Variants in KDM2B observed in about 807,000 individuals in gnomAD.
KDM2B encodes lysine-specific demethylase 2B.
Under a neutral mutation model 150.0 loss-of-function variants are expected in KDM2B, and 26 were observed. The ratio of observed to expected loss-of-function variants is 0.17; its 90% CI spans 0.13 to 0.24. The LOEUF (loss-of-function observed/expected upper bound fraction) is 0.24, where lower values mean the gene tolerates loss of function less well. KDM2B is among the 10% of genes least tolerant of loss of function. The pLI is 1.00. For synonymous variants in KDM2B, 734 were observed against 729.5 expected, an observed-to-expected ratio of 1.01 and a Z score of -0.10; for missense variants, 1,265 against 1,816.9, an observed-to-expected ratio of 0.70 and a Z score of 5.52.
intron 12 of KDM2B, among the ~76,000 whole-genome samples, chr12:121,461,826 G>A (rs1258875473): frequency 6.6e-6 from 1 of 152,178 alleles, no homozygotes; most frequent in African/African-American, 2.4e-5. Context: ...GGGAATGGAA[G>A]AGTGAAAAGA....
intron 17 of KDM2B, 21 bp from the exon 18 acceptor site, chr12:121,443,051 C>A: frequency 6.2e-7 from 1 of 1,607,102 alleles, no homozygotes; most frequent in Non-Finnish European, 8.5e-7. Flanking sequence ...AAAGAAAGGA[C>A]GCAGAGCTTG....
chr12:121,470,177 A>G (rs1263862269), intron 12 of KDM2B: 4 of 152,018 alleles, frequency 2.6e-5, no homozygotes, highest in African/African-American at 9.7e-5. Context: ...ACCAATCAGG[A>G]GCAAAAGAAT....
chr12:121,524,936 A>ACC (rs1271093922), intron 8 of KDM2B: 1 of 249,716 alleles, frequency 4.0e-6, no homozygotes, highest in Non-Finnish European at 8.4e-6. Context: ...GGTGGGGCTC[A>ACC]CCCACAACCT....
At position 121,452,935 on chromosome 12, in the gene KDM2B, G is replaced by A. The variant is rs1319414705; in HGVS notation, c.1959+185C>T. ...AGTACCTGAGCACCCTGGGAGGGAA[G>A]GAGCAGGAGGCCTGAGCCTGCGAAG... is the stretch of plus-strand genomic sequence containing the variant. On this transcript the variant is annotated intron_variant, in intron 13 of 22. Coordinates refer to ENST00000377071, the MANE Select transcript of KDM2B (RefSeq NM_032590.5). This position sits in a 1 kb window ranked among gnomAD's most constrained non-coding sequence, Gnocchi z 4.4. 3.9e-5 allele frequency among the ~76,000 whole-genome samples: 6 copies of A among 152,224 alleles called. No individual in the cohort carries two copies. The highest frequency in any genetic ancestry group is 7.4e-5 in the Non-Finnish European group (5 of 68,024).
the KDM2B span, chr12:121,415,233 G>A: frequency 3.8e-6 from 1 of 260,432 alleles, no homozygotes; most frequent in Non-Finnish European, 8.7e-6. Flanking sequence ...GTGTTTTGAT[G>A]TTTTCCAAGT....
At chr12:121,540,634 T>C (rs1371711359) in intron 6 of KDM2B, among the ~76,000 whole-genome samples, 4 of 151,420 alleles carry the variant, frequency 2.6e-5, no homozygotes, top group African/African-American at 9.7e-5. Context: ...ATGCCTGTAG[T>C]TCCAGCTAAA....
chr12:121,457,172 A>T (rs148099799), intron 12 of KDM2B, among the ~76,000 whole-genome samples: 1 of 152,230 alleles, frequency 6.6e-6, no homozygotes, highest in African/African-American at 2.4e-5. Context: ...TGAGTCTGCC[A>T]GAGCTCTCTC....
chr12:121,549,434 G>GT lies in KDM2B; in HGVS notation c.576+25_576+26insA, dbSNP rs782196222. 1 of 1,558,730 alleles carries GT rather than the reference G, an allele frequency of 6.4e-7. No individual in the cohort carries two copies. The highest frequency in any genetic ancestry group is 8.7e-7 in the Non-Finnish European group (1 of 1,144,274). On this transcript the variant is annotated intron_variant, in intron 5 of 22. Transcript: ENST00000377071. This position sits in a 1 kb window ranked among gnomAD's most constrained non-coding sequence, Gnocchi z 4.4. The stretch of plus-strand genomic sequence containing the variant: ...AGGAGATGAGGTGGAAGGTATCTGG[G>GT]GAGGGTACCTGGGCCCCGGACCTAC...
At position 121,521,447 on chromosome 12, in the gene KDM2B, T is replaced by A. The variant is rs1886682799; in HGVS notation, c.932-347A>T. Reference sequence around the variant, plus strand: ...GAGGCAGGCCCTTTCTCCACCTCCATGCAGGCCACGGAGCCTCACCTCCCC... The same window carrying A: ...GAGGCAGGCCCTTTCTCCACCTCCAAGCAGGCCACGGAGCCTCACCTCCCC... On this transcript the variant is annotated intron_variant, in intron 8 of 22. Coordinates refer to ENST00000377071, the MANE Select transcript of KDM2B (RefSeq NM_032590.5). The surrounding 1 kb of genome is among the most constrained non-coding windows in gnomAD (Gnocchi z 4.9). 6.6e-6 allele frequency among the ~76,000 whole-genome samples: 1 copy of A among 152,260 alleles called. No individual in the cohort carries two copies.
chr12:121,509,711 C>G lies in KDM2B; in HGVS notation c.1503G>C (p.Glu501Asp). 1 of 1,614,124 alleles carries G rather than the reference C, an allele frequency of 6.2e-7. No homozygotes were observed. Among genetic ancestry groups the G allele is most frequent in the Non-Finnish European group, 8.5e-7 (1 of 1,180,038 alleles). Residue 501 changes from glutamate to aspartate, a missense_variant, in exon 11 of 23, where the codon GAG becomes GAC. Glu to Asp is a conservative substitution (Grantham distance 45). Around this residue, in one of 11 missense-constraint regions of KDM2B, gnomAD observed 154 missense variants for 162.5 expected, o/e 0.95. Transcript: ENST00000377071. ...TGAGATGGGTCCATTTGGCAGAGAC[C>G]TCCGTGGCGGGAGAGCCGGTGGGGG... Reference protein sequence around the residue: ...PKTPTGSPATEVSAKWTHLTE... With the variant: ...PKTPTGSPATDVSAKWTHLTE...
In KDM2B at chr12:121,442,485, G is replaced by GCTT; in HGVS notation, c.2953_2955dup (p.Lys985dup). 6.3e-7 allele frequency: 1 copy of GCTT among 1,599,594 alleles called. No individual in the cohort carries two copies. Among genetic ancestry groups the GCTT allele is most frequent in the East Asian group, 2.2e-5 (1 of 44,868 alleles). Reference sequence around the variant, plus strand: ...GGACGCTCGCAGATGCCCGGGGGCCGCTTGGGCTCCTCGCCCTCGCTCTCA... The same window carrying GCTT: ...GGACGCTCGCAGATGCCCGGGGGCCGCTTCTTGGGCTCCTCGCCCTCGCTCTCA... On this transcript the variant is annotated inframe_insertion, in exon 19 of 23. Transcript: ENST00000377071. This position sits in a 1 kb window ranked among gnomAD's most constrained non-coding sequence, Gnocchi z 7.7.
chr12:121,529,556 G>A (rs953653269), intron 8 of KDM2B, among the ~76,000 whole-genome samples: 19 of 152,074 alleles, frequency 1.2e-4, no homozygotes, highest in African/African-American at 4.3e-4. Flanking sequence ...CAAGTACCAC[G>A]AATCTCAGAT....
At chr12:121,572,222 A>T (rs1053095292) in intron 4 of KDM2B, among the ~76,000 whole-genome samples, 1 of 152,142 alleles carries the variant, frequency 6.6e-6, no homozygotes, top group Non-Finnish European at 1.5e-5. Flanking sequence ...AAATTAAATA[A>T]AAATGTTTCA....
intron 12 of KDM2B, among the ~76,000 whole-genome samples, chr12:121,461,266 A>G (rs1879080705): frequency 6.6e-6 from 1 of 152,200 alleles, no homozygotes; most frequent in Admixed American, 6.5e-5. Flanking sequence ...GGAACTGCAA[A>G]TAGCTCGACA....
chr12:121,455,793 C>T (rs1359868488), intron 12 of KDM2B, among the ~76,000 whole-genome samples: 1 of 152,222 alleles, frequency 6.6e-6, no homozygotes, highest in Non-Finnish European at 1.5e-5. Flanking sequence ...TAGCACCTTT[C>T]GGGGGCCAAG....
chr12:121,507,319 A>G (rs1254983435), intron 11 of KDM2B, among the ~76,000 whole-genome samples: 6 of 152,170 alleles, frequency 3.9e-5, no homozygotes, highest in Admixed American at 3.3e-4. Flanking sequence ...AACCAAGATC[A>G]TGTCACTGCA....
intron 4 of KDM2B, among the ~76,000 whole-genome samples, chr12:121,552,515 A>C (rs1889580028): frequency 6.6e-6 from 1 of 152,058 alleles, no homozygotes; most frequent in South Asian, 2.1e-4. Context: ...TCTACTAAAA[A>C]TACAAAAATT....
chr12:121,469,111 G>C (rs1880450806), intron 12 of KDM2B: 1 of 151,580 alleles, frequency 6.6e-6, no homozygotes, highest in Admixed American at 6.6e-5. Context: ...GGCCAGGCTG[G>C]TCTGGAGCTC....
At chr12:121,536,173 T>C in intron 6 of KDM2B, 3 of 860,434 alleles carry the variant, frequency 3.5e-6, no homozygotes, top group Non-Finnish European at 4.2e-6. Context: ...GGGCTCCTGG[T>C]GCCCCCTCCC....
Sources: allele counts gnomAD v4.1 joint callset (sites outside exome capture counted in the v4.1 genomes callset), GRCh38; gene constraint gnomAD v4.1.1; regional missense constraint gnomAD v4.1.1; non-coding constraint Gnocchi (gnomAD v3.1); transcripts MANE v1.5; gene names NCBI Gene and HGNC (gene_info 2026-07-23, HGNC 2026-07-21).